MAP2K4: variants seen among roughly 807,000 people sequenced by gnomAD.
MAP2K4 encodes mitogen-activated protein kinase kinase 4, also known as dual specificity mitogen-activated protein kinase kinase 4.
Under a neutral mutation model 48.5 loss-of-function variants are expected in MAP2K4, and 4 were observed. That is an observed-to-expected ratio of 0.08 (90% CI 0.04 to 0.19). The LOEUF is 0.19. MAP2K4 is among the 10% of genes least tolerant of loss of function. MAP2K4 has a pLI of 1.00. For synonymous variants in MAP2K4, 166 were observed against 173.1 expected, an observed-to-expected ratio of 0.96 and a Z score of 0.32; for missense variants, 258 against 493.3, an observed-to-expected ratio of 0.52 and a Z score of 4.52.
At chr17:12,115,329 A>AT (rs1399327396) in intron 7 of MAP2K4, among the ~76,000 whole-genome samples, 2 of 152,342 alleles carry the variant, frequency 1.3e-5, no homozygotes, top group East Asian at 3.9e-4. Context: ...GTGCAAAATC[A>AT]TAAGTGTACT....
At chr17:12,099,263 T>C (rs1971858170) in intron 4 of MAP2K4, among the ~76,000 whole-genome samples, 1 of 152,016 alleles carries the variant, frequency 6.6e-6, no homozygotes, top group Non-Finnish European at 1.5e-5. Flanking sequence ...TGTCACTGTC[T>C]ATTGTGTATA....
chr17:12,076,299 G>GTT (rs1971004015), intron 2 of MAP2K4, among the ~76,000 whole-genome samples: 1 of 150,944 alleles, frequency 6.6e-6, no homozygotes, highest in Non-Finnish European at 1.5e-5. Context: ...GTGTGTGTGT[G>GTT]TGTGTGTGTG....
intron 1 of MAP2K4, among the ~76,000 whole-genome samples, chr17:12,025,204 T>C (rs933459906): frequency 1.3e-5 from 2 of 152,204 alleles, no homozygotes; most frequent in Non-Finnish European, 2.9e-5. Context: ...CTCTGCTGTT[T>C]ACAAACACTG....
intron 9 of MAP2K4, among the ~76,000 whole-genome samples, chr17:12,138,113 T>A (rs1012401316): frequency 1.3e-5 from 2 of 152,198 alleles, no homozygotes; most frequent in Admixed American, 1.3e-4. Context: ...GTCAGCCTGG[T>A]CCTAAAGTTT....
chr17:12,128,177 A>C lies in MAP2K4; in HGVS notation c.892-962A>C, dbSNP rs1044619825. ...ACTGCAAACTCCGCCTCCTGGGTTC[A>C]TGCCATTCCCCTGCCTCAGCCTCCT... is the stretch of plus-strand genomic sequence containing the variant. On this transcript the variant is annotated intron_variant, in intron 8 of 10. Coordinates refer to ENST00000353533, the MANE Select transcript of MAP2K4 (RefSeq NM_003010.4). Among the ~76,000 whole-genome samples, 4 of 152,202 alleles carry C rather than the reference A, an allele frequency of 2.6e-5. No individual in the cohort carries two copies. The East Asian group carries it at 7.7e-4, about 29-fold the overall frequency.
At chr17:12,122,044 C>A (rs548460073) in intron 7 of MAP2K4, among the ~76,000 whole-genome samples, 24 of 152,258 alleles carry the variant, frequency 1.6e-4, no homozygotes, top group African/African-American at 5.1e-4. Context: ...ACTTGGGACC[C>A]CAATTTACTA....
At chr17:12,117,350 C>T (rs527531590) in intron 7 of MAP2K4, among the ~76,000 whole-genome samples, 16 of 152,108 alleles carry the variant, frequency 1.1e-4, no homozygotes, top group African/African-American at 3.6e-4. Context: ...TGACCTTATG[C>T]GATGGGTCAC....
At chr17:12,034,572 A>G (rs918369223) in intron 1 of MAP2K4, among the ~76,000 whole-genome samples, 1 of 152,208 alleles carries the variant, frequency 6.6e-6, no homozygotes, top group Admixed American at 6.5e-5. Context: ...CATATTGGAC[A>G]CCTAGAAACC....
chr17:12,048,248 A>G (rs1404433354), intron 1 of MAP2K4, among the ~76,000 whole-genome samples: 1 of 152,140 alleles, frequency 6.6e-6, no homozygotes, highest in East Asian at 1.9e-4. Context: ...TCTATTGTTC[A>G]TCTCCACTGC....
At chr17:12,085,248 G>A (rs1045573805) in intron 3 of MAP2K4, among the ~76,000 whole-genome samples, 1 of 152,234 alleles carries the variant, frequency 6.6e-6, no homozygotes, top group Non-Finnish European at 1.5e-5. Context: ...TAAAGATGAT[G>A]GCAGGCAGTG....
intron 2 of MAP2K4, among the ~76,000 whole-genome samples, chr17:12,066,117 T>G (rs1315048741): frequency 6.6e-6 from 1 of 151,132 alleles, no homozygotes; most frequent in Non-Finnish European, 1.5e-5. Flanking sequence ...AAATAACATT[T>G]ACTATTGTTT....
Position 12,110,434 on chromosome 17 carries a change from T to C in MAP2K4, c.685+8T>C. 1 of 1,591,274 alleles carries C rather than the reference T, an allele frequency of 6.3e-7. No homozygotes were observed. The highest frequency in any genetic ancestry group is 8.6e-7 in the Non-Finnish European group (1 of 1,162,854). On this transcript the variant is annotated splice_region_variant and intron_variant, in intron 6 of 10. Transcript: ENST00000353533. ...TGAAAATTATTCACAGAGGTGGGTA[T>C]GGATTGGTATTTTTTGTAATAGAAA...
At chr17:12,071,587 A>C (rs184242686) in intron 2 of MAP2K4, among the ~76,000 whole-genome samples, 2 of 152,142 alleles carry the variant, frequency 1.3e-5, no homozygotes, top group African/African-American at 4.8e-5. Flanking sequence ...CCTAACTCCC[A>C]CCTCCAAAAA....
At chr17:12,129,080 A>T in intron 8 of MAP2K4, 59 bp from the exon 9 acceptor site, 1 of 1,563,204 alleles carries the variant, frequency 6.4e-7, no homozygotes, top group African/African-American at 1.4e-5. Flanking sequence ...TGGCCCTTCC[A>T]GTGGGGAGTA....
intron 6 of MAP2K4, 57 bp downstream of exon 6, chr17:12,110,483 G>T: frequency 8.2e-7 from 1 of 1,222,418 alleles, no homozygotes; most frequent in Non-Finnish European, 1.2e-6. Context: ...CCTAATTGGT[G>T]AAACGGTTAT....
At chr17:12,025,930 T>A (rs1299630819) in intron 1 of MAP2K4, among the ~76,000 whole-genome samples, 3 of 152,180 alleles carry the variant, frequency 2.0e-5, no homozygotes, top group African/African-American at 7.2e-5. Flanking sequence ...AAGAACTGAT[T>A]TGTGCAGACA....
chr17:12,069,930 T>TATATAC (rs1970743132), intron 2 of MAP2K4: 1 of 101,340 alleles, frequency 9.9e-6, no homozygotes, highest in South Asian at 2.8e-4. Context: ...TATATATATA[T>TATATAC]ATATATATAT....
intron 1 of MAP2K4, among the ~76,000 whole-genome samples, chr17:12,032,943 C>T (rs1969483590): frequency 1.3e-5 from 2 of 152,120 alleles, no homozygotes; most frequent in Admixed American, 1.3e-4. Context: ...TCAAGCGATC[C>T]TCCTGTCTCA....
intron 9 of MAP2K4, 47 bp downstream of exon 9, chr17:12,129,334 T>C (rs1567674353): frequency 6.2e-7 from 1 of 1,611,264 alleles, no homozygotes; most frequent in African/African-American, 1.3e-5. Context: ...GCGAGAATAG[T>C]GAGATTTACT....
Sources: allele counts gnomAD v4.1 joint callset (sites outside exome capture counted in the v4.1 genomes callset), GRCh38; gene constraint gnomAD v4.1.1; transcripts MANE v1.5; gene names NCBI Gene and HGNC (gene_info 2026-07-23, HGNC 2026-07-21).